SPON1: variants seen among roughly 807,000 people sequenced by gnomAD.
SPON1 encodes the protein spondin 1.
Under a neutral mutation model 111.7 loss-of-function variants are expected in SPON1, and 52 were observed. The ratio of observed to expected loss-of-function variants is 0.47; its 90% CI spans 0.37 to 0.59. The LOEUF (loss-of-function observed/expected upper bound fraction) is 0.59, where lower values mean the gene tolerates loss of function less well. Ranked by LOEUF, SPON1 falls within the 20% of genes least tolerant of loss-of-function variation. The pLI is 0.00. For synonymous variants in SPON1, 410 were observed against 395.8 expected, an observed-to-expected ratio of 1.04 and a Z score of -0.43; for missense variants, 957 against 1,068.5, an observed-to-expected ratio of 0.90 and a Z score of 1.46.
chr11:14,042,771 G>A (rs1848641723), intron 3 of SPON1, among the ~76,000 whole-genome samples: 1 of 152,142 alleles, frequency 6.6e-6, no homozygotes, highest in African/African-American at 2.4e-5. Context: ...CGATAAGAAA[G>A]CCCACCTAGG....
chr11:14,264,248 T>C (rs1268960546), intron 15 of SPON1, among the ~76,000 whole-genome samples: 1 of 152,108 alleles, frequency 6.6e-6, no homozygotes, highest in African/African-American at 2.4e-5. Flanking sequence ...TTTTGGGACC[T>C]GATTCTGTAG....
At chr11:13,988,386 T>C (rs1848201947) in intron 2 of SPON1, among the ~76,000 whole-genome samples, 1 of 152,202 alleles carries the variant, frequency 6.6e-6, no homozygotes, top group Non-Finnish European at 1.5e-5. Context: ...ATGCTTGTGA[T>C]TTTTGCACAT....
At chr11:13,973,805 T>C (rs1248881296) in intron 1 of SPON1, among the ~76,000 whole-genome samples, 1 of 152,224 alleles carries the variant, frequency 6.6e-6, no homozygotes, top group Non-Finnish European at 1.5e-5. Context: ...AGAGCTTGAG[T>C]AACTTGCCCA....
At chr11:14,234,039 G>T (rs1010726007) in intron 6 of SPON1, among the ~76,000 whole-genome samples, 1 of 152,118 alleles carries the variant, frequency 6.6e-6, no homozygotes, top group Non-Finnish European at 1.5e-5. Flanking sequence ...GGATTACAGT[G>T]TGAGCCAAAG....
intron 6 of SPON1, among the ~76,000 whole-genome samples, chr11:14,171,546 T>C (rs1163017495): frequency 8.5e-5 from 13 of 152,336 alleles, no homozygotes; most frequent in African/African-American, 3.1e-4. Context: ...TTTGAATGTG[T>C]TTGCTCTTGC....
chr11:14,010,817 C>A (rs1341832705), intron 2 of SPON1, among the ~76,000 whole-genome samples: 2 of 152,246 alleles, frequency 1.3e-5, no homozygotes, highest in East Asian at 3.8e-4. Context: ...CACTATTTCA[C>A]TGGGCTCTAG....
chr11:14,156,246 A>T (rs1165603900), intron 6 of SPON1, among the ~76,000 whole-genome samples: 5 of 146,688 alleles, frequency 3.4e-5, no homozygotes, highest in African/African-American at 1.3e-4. Context: ...GATGGCCGTG[A>T]TGGTGAGCAT....
chr11:14,120,029 G>A (rs1463191180), intron 5 of SPON1, among the ~76,000 whole-genome samples: 1 of 152,140 alleles, frequency 6.6e-6, no homozygotes, highest in African/African-American at 2.4e-5. Flanking sequence ...CAACTTCTTG[G>A]AAAGTTAAAC....
chr11:14,027,960 C>A (rs1848531093), intron 2 of SPON1, among the ~76,000 whole-genome samples: 2 of 152,162 alleles, frequency 1.3e-5, no homozygotes, highest in Non-Finnish European at 2.9e-5. Flanking sequence ...TTTTTTAAAA[C>A]CTGTTTATCA....
chr11:14,200,252 G>A (rs1848447648), intron 6 of SPON1, among the ~76,000 whole-genome samples: 1 of 152,148 alleles, frequency 6.6e-6, no homozygotes, highest in African/African-American at 2.4e-5. Flanking sequence ...AGCTCCTTGA[G>A]ACCAAGAACT....
Position 14,259,810 on chromosome 11 carries a change from A to C in SPON1, c.1831+109A>C. On this transcript the variant is annotated intron_variant, in intron 13 of 15. Transcript: ENST00000576479. This position sits in a 1 kb window ranked among gnomAD's most constrained non-coding sequence, Gnocchi z 5.0. ...GGTCGGAGGCTGAGCAGAGGAAAGC[A>C]TGGCCCATGGTCCTTGCTGGGCACT... is the stretch of plus-strand genomic sequence containing the variant. The C allele has an allele frequency of 8.0e-7, 1 of 1,253,588 alleles. No individual in the cohort carries two copies. The highest frequency in any genetic ancestry group is 1.1e-6 in the Non-Finnish European group (1 of 906,180). The allele number at this position is 1,253,588 out of a possible 1,614,324, so 77.7% of individuals were successfully genotyped here. A position where few individuals can be genotyped will look rare whatever the true frequency, so the allele number is the denominator to read the frequency against.
At chr11:14,265,435 G>A (rs1159050729) in intron 15 of SPON1, 89 bp from the exon 16 acceptor site, 2 of 1,419,252 alleles carry the variant, frequency 1.4e-6, no homozygotes, top group Non-Finnish European at 9.5e-7. Flanking sequence ...GAGGAGCCCA[G>A]ACAAGCACAT....
chr11:14,153,333 G>A (rs1477351820), intron 6 of SPON1, among the ~76,000 whole-genome samples: 1 of 152,118 alleles, frequency 6.6e-6, no homozygotes, highest in Non-Finnish European at 1.5e-5. Context: ...ATTGGCTCAT[G>A]GTTCCACAGG....
At chr11:14,204,089 G>A (rs1253237759) in intron 6 of SPON1, among the ~76,000 whole-genome samples, 1 of 152,202 alleles carries the variant, frequency 6.6e-6, no homozygotes, top group Non-Finnish European at 1.5e-5. Context: ...CTGCAAATCT[G>A]ATTGAGTCTG....
chr11:14,243,471 ACATACCAGTTATG>A lies in SPON1; in HGVS notation c.890+77_890+89del. ...CAAAGCCACCTACCTAATGGCCACCACATACCAGTTATGCTGTTGAAGTTAGCACTACTTCTCA... is the reference window on the plus strand; with the variant it reads ...CAAAGCCACCTACCTAATGGCCACCACTGTTGAAGTTAGCACTACTTCTCA... On this transcript the variant is annotated intron_variant, in intron 7 of 15. Transcript: ENST00000576479. 3.3e-6 allele frequency: 4 copies of A among 1,212,950 alleles called. No homozygotes were observed. In the South Asian group the frequency reaches 5.2e-5, roughly 16 times the overall value. The allele number at this position is 1,212,950 out of a possible 1,614,324, so 75.1% of individuals were successfully genotyped here.
At chr11:14,084,301 C>T (rs1848988236) in intron 5 of SPON1, among the ~76,000 whole-genome samples, 1 of 152,134 alleles carries the variant, frequency 6.6e-6, no homozygotes, top group African/African-American at 2.4e-5. Context: ...CTCCCCTTGC[C>T]CTGCACTCCC....
At chr11:13,978,889 G>A (rs1848123083) in intron 1 of SPON1, among the ~76,000 whole-genome samples, 1 of 152,208 alleles carries the variant, frequency 6.6e-6, no homozygotes. Flanking sequence ...GGTTAGTGAA[G>A]CTGGAGAGGC....
rs12273200 is a variant in SPON1 at position 14,101,601 on chromosome 11, T to C, written c.676+21580T>C. On this transcript the variant is annotated intron_variant, in intron 5 of 15. Coordinates refer to ENST00000576479, the MANE Select transcript of SPON1 (RefSeq NM_006108.4). ...TTCTACTCATTTCCTTCATATCATC[T>C]GGGTTTTATTTTATGTGTTTTTTCC... Among the ~76,000 whole-genome samples, 788 of 152,248 alleles carry C rather than the reference T, an allele frequency of 5.2e-3. 3 individuals carry two copies. The highest frequency in any genetic ancestry group is 0.018 in the African/African-American group (747 of 41,538).
intron 2 of SPON1, among the ~76,000 whole-genome samples, chr11:14,012,924 G>A (rs779338532): frequency 9.9e-5 from 15 of 152,062 alleles, no homozygotes; most frequent in Admixed American, 5.2e-4. Flanking sequence ...AATATTAAAT[G>A]TTCCTATTTA....
Sources: gnomAD v4.1 joint callset for allele counts (sites outside exome capture counted in the v4.1 genomes callset) on GRCh38, gnomAD v4.1.1 for gene constraint, Gnocchi (gnomAD v3.1) non-coding constraint, MANE v1.5 for transcripts, NCBI Gene and HGNC (gene_info 2026-07-23, HGNC 2026-07-21) for gene names.